Variants in B3GAT2 observed in about 807,000 individuals in gnomAD.
B3GAT2 encodes the protein galactosylgalactosylxylosylprotein 3-beta-glucuronosyltransferase 2.
B3GAT2 carries 26 observed loss-of-function variants against 27.8 expected under a neutral mutation model. The ratio of observed to expected loss-of-function variants is 0.93; its 90% CI spans 0.68 to 1.30. B3GAT2 has a LOEUF of 1.30. Ranked by LOEUF, B3GAT2 falls within the 50% of genes most tolerant of loss-of-function variation. The pLI, the probability that B3GAT2 is intolerant of heterozygous loss-of-function variation, is 0.00. For synonymous variants in B3GAT2, 218 were observed against 195.1 expected, an observed-to-expected ratio of 1.12 and a Z score of -0.98; for missense variants, 458 against 459.0, an observed-to-expected ratio of 1.00 and a Z score of 0.02.
Position 70,857,620 on chromosome 6 carries a change from CAG to C in B3GAT2, c.*4041_*4042del, listed in dbSNP as rs761897372. ...CCAGTGGTACAAATCAGCAATAAAACAGTGTATGATGTCATGCTACATAGTTT... is the reference window on the plus strand; with the variant it reads ...CCAGTGGTACAAATCAGCAATAAAACTGTATGATGTCATGCTACATAGTTT... On this transcript the variant is annotated 3_prime_UTR_variant, in exon 4 of 4. Transcript: ENST00000230053. 4.0e-5 allele frequency: 13 copies of C among 324,624 alleles called. No homozygotes were observed. Among genetic ancestry groups the C allele is most frequent in the Non-Finnish European group, 6.3e-5 (11 of 174,752 alleles). The allele number at this position is 324,624 out of a possible 1,614,324, so 20.1% of individuals were successfully genotyped here.
At chr6:70,895,539 T>TCCC (rs1772367740) in intron 1 of B3GAT2, among the ~76,000 whole-genome samples, 1 of 124,662 alleles carries the variant, frequency 8.0e-6, no homozygotes, top group Non-Finnish European at 1.6e-5. Flanking sequence ...AGAGTCTCAC[T>TCCC]CTGTTGCCCA....
At chr6:70,937,101 C>A (rs931099291) in intron 1 of B3GAT2, among the ~76,000 whole-genome samples, 41 of 152,254 alleles carry the variant, frequency 2.7e-4, no homozygotes, top group African/African-American at 9.4e-4. Context: ...ATAGAAACTA[C>A]CATCAGAGAA....
At position 70,921,222 on chromosome 6, in the gene B3GAT2, A is replaced by G. The variant is rs567935240; in HGVS notation, c.592-26950T>C. 2.9e-4 allele frequency among the ~76,000 whole-genome samples: 44 copies of G among 152,144 alleles called. No individual in the cohort carries two copies. In the South Asian group the frequency reaches 2.9e-3, roughly 10 times the overall value. On this transcript the variant is annotated intron_variant, in intron 1 of 3. Transcript: ENST00000230053. Reference sequence around the variant, plus strand: ...TTCTCTCTCTCTTTCAGGGATGTCAATGAGTCACAGATTTGGTCTCTACCT... The same window carrying G: ...TTCTCTCTCTCTTTCAGGGATGTCAGTGAGTCACAGATTTGGTCTCTACCT...
chr6:70,956,897 G>C lies in B3GAT2; in HGVS notation c.-468C>G. 1 of 1,020,522 alleles carries C rather than the reference G, an allele frequency of 9.8e-7. No homozygotes were observed. The allele number at this position is 1,020,522 out of a possible 1,614,324, so 63.2% of individuals were successfully genotyped here. On this transcript the variant is annotated 5_prime_UTR_variant, in exon 1 of 4. Coordinates refer to ENST00000230053, the MANE Select transcript of B3GAT2 (RefSeq NM_080742.3). ...CGCTCTCTGGGACGCCTTCGAGGGC[G>C]GGCGGCGGCGCTGGGGGCTTTCCTT...
intron 2 of B3GAT2, among the ~76,000 whole-genome samples, chr6:70,873,830 C>T (rs1013101735): frequency 6.6e-6 from 1 of 151,986 alleles, no homozygotes; most frequent in African/African-American, 2.4e-5. Flanking sequence ...CTTTGAGCCC[C>T]TCTATTGAAT....
chr6:70,894,989 T>C (rs945882253), intron 1 of B3GAT2, among the ~76,000 whole-genome samples: 1 of 152,118 alleles, frequency 6.6e-6, no homozygotes, highest in Non-Finnish European at 1.5e-5. Context: ...TTGCTGATAT[T>C]AGGCAGCACT....
chr6:70,947,025 G>C (rs1306692338), intron 1 of B3GAT2, among the ~76,000 whole-genome samples: 2 of 152,062 alleles, frequency 1.3e-5, no homozygotes, highest in Admixed American at 6.5e-5. Flanking sequence ...GATGTTCTTT[G>C]AAACCAACGA....
chr6:70,867,793 G>A (rs1408612674), intron 2 of B3GAT2, among the ~76,000 whole-genome samples: 4 of 152,064 alleles, frequency 2.6e-5, no homozygotes, highest in Admixed American at 2.6e-4. Context: ...AGAAAAGGAG[G>A]AAATCTTTCT....
chr6:70,929,357 A>T (rs778131332), intron 1 of B3GAT2, among the ~76,000 whole-genome samples: 1 of 152,000 alleles, frequency 6.6e-6, no homozygotes, highest in Non-Finnish European at 1.5e-5. Context: ...AAAAATATAT[A>T]TTTAAAAAAA....
rs1771440450 is a variant in B3GAT2, at chr6:70,856,727, GAATGGCA to G, written c.*4929_*4935del. ...GCTTGGGCTTGTAAGTGATCCTCTT[GAATGGCA>G]CCATTTTACCTTCTACAATTGTTTG... On this transcript the variant is annotated 3_prime_UTR_variant, in exon 4 of 4. Transcript: ENST00000230053. 1.2e-6 allele frequency: 1 copy of G among 865,548 alleles called. No homozygotes were observed. Among genetic ancestry groups the G allele is most frequent in the African/African-American group, 1.7e-5 (1 of 58,754 alleles). The allele number at this position is 865,548 out of a possible 1,614,324, so 53.6% of individuals were successfully genotyped here.
rs541214875 is a variant in B3GAT2, at chr6:70,861,361, A to G, written c.*302T>C. On this transcript the variant is annotated 3_prime_UTR_variant, in exon 4 of 4. Coordinates refer to ENST00000230053, the MANE Select transcript of B3GAT2 (RefSeq NM_080742.3). ...TAAGGGCAAATTGGAGAAAAAGAAA[A>G]AATATATACTCAAGAGTGGTATCTT... The G allele has an allele frequency of 5.9e-4, 152 of 259,674 alleles. No homozygotes were observed. Among genetic ancestry groups the G allele is most frequent in the African/African-American group, 3.2e-3 (149 of 46,154 alleles). The allele number at this position is 259,674 out of a possible 1,614,324, so 16.1% of individuals were successfully genotyped here.
intron 1 of B3GAT2, among the ~76,000 whole-genome samples, chr6:70,898,613 G>A (rs530123795): frequency 1.5e-3 from 224 of 152,144 alleles, no homozygotes; most frequent in Non-Finnish European, 1.0e-3. Context: ...TCTTAAAATG[G>A]CCATGATTTT....
intron 1 of B3GAT2, among the ~76,000 whole-genome samples, chr6:70,905,153 G>A (rs1003866924): frequency 6.6e-6 from 1 of 152,168 alleles, no homozygotes; most frequent in Non-Finnish European, 1.5e-5. Flanking sequence ...AAGGTTTCCA[G>A]GAAAGCAGCA....
intron 1 of B3GAT2, 116 bp downstream of exon 1, chr6:70,955,723 G>C: frequency 8.2e-7 from 1 of 1,221,618 alleles, no homozygotes; most frequent in Non-Finnish European, 1.1e-6. Flanking sequence ...ATGCGCGCAC[G>C]GAGAACTGAG....
intron 2 of B3GAT2, among the ~76,000 whole-genome samples, chr6:70,881,232 A>G (rs1772094450): frequency 6.6e-6 from 1 of 152,014 alleles, no homozygotes; most frequent in Non-Finnish European, 1.5e-5. Flanking sequence ...CATGCCTTTT[A>G]TTTACAGGAA....
intron 1 of B3GAT2, among the ~76,000 whole-genome samples, chr6:70,930,731 TTGG>T (rs1165902549): frequency 6.6e-6 from 1 of 152,206 alleles, no homozygotes; most frequent in Non-Finnish European, 1.5e-5. Context: ...TTTTACACTG[TTGG>T]TGGGAGTGTA....
intron 1 of B3GAT2, among the ~76,000 whole-genome samples, chr6:70,924,888 T>G (rs984179327): frequency 1.3e-5 from 2 of 152,264 alleles, no homozygotes; most frequent in African/African-American, 4.8e-5. Flanking sequence ...GTCATTATTC[T>G]GCAAATCACA....
At chr6:70,878,868 C>T (rs1049386227) in intron 2 of B3GAT2, among the ~76,000 whole-genome samples, 1 of 151,956 alleles carries the variant, frequency 6.6e-6, no homozygotes, top group Non-Finnish European at 1.5e-5. Context: ...TCTCTGCCCC[C>T]CCTCCCCCTT....
chr6:70,878,886 T>C (rs1772056278), intron 2 of B3GAT2, among the ~76,000 whole-genome samples: 3 of 152,120 alleles, frequency 2.0e-5, no homozygotes, highest in African/African-American at 7.2e-5. Context: ...CTTACCTTTT[T>C]GAATGAGACT....
Sources: gnomAD v4.1 joint callset for allele counts (sites outside exome capture counted in the v4.1 genomes callset) on GRCh38, gnomAD v4.1.1 for gene constraint, MANE v1.5 for transcripts, NCBI Gene and HGNC (gene_info 2026-07-23, HGNC 2026-07-21) for gene names.